The following RALGAPA2 variants were observed in gnomAD, a reference collection of about 807,000 sequenced individuals.
RALGAPA2 encodes ral GTPase-activating protein subunit alpha-2.
In RALGAPA2, 139 loss-of-function variants were observed where a neutral mutation model predicts 230.4. The observed-to-expected ratio is 0.60, with a 90% CI of 0.53 to 0.69. The LOEUF is 0.69. RALGAPA2 is among the 30% of genes least tolerant of loss of function. The pLI is 0.00. For missense variants in RALGAPA2, 2,163 were observed against 2,276.0 expected (o/e 0.95, Z 1.01); for synonymous variants, 847 against 837.8 (o/e 1.01, Z -0.19).
intron 37 of RALGAPA2, among the ~76,000 whole-genome samples, chr20:20,466,513 A>G (rs1022472444): frequency 2.0e-5 from 3 of 152,176 alleles, no homozygotes. Context: ...TGAAACAATT[A>G]CTTCTTGGTT....
chr20:20,660,333 C>T (rs748916949), intron 3 of RALGAPA2, among the ~76,000 whole-genome samples: 36 of 151,950 alleles, frequency 2.4e-4, no homozygotes, highest in Non-Finnish European at 4.3e-4. Context: ...GTATTTATAT[C>T]GTGATGTTTA....
chr20:20,706,716 GTTATCATTCATTCTACTAGATAAATA>G (rs2069623456), intron 1 of RALGAPA2, among the ~76,000 whole-genome samples: 1 of 152,110 alleles, frequency 6.6e-6, no homozygotes, highest in Non-Finnish European at 1.5e-5. Context: ...TTGTTTCTAT[GTTATCATTCATTCTACTAGATAAATA>G]CATTTTCTGA....
chr20:20,409,661 G>A (rs2060019693), intron 38 of RALGAPA2, among the ~76,000 whole-genome samples: 1 of 152,186 alleles, frequency 6.6e-6, no homozygotes, highest in South Asian at 2.1e-4. Context: ...GTAAACAAAT[G>A]ACAAATGTTT....
chr20:20,648,256 AT>A (rs2146567683), intron 4 of RALGAPA2, among the ~76,000 whole-genome samples: 1 of 152,354 alleles, frequency 6.6e-6, no homozygotes, highest in East Asian at 1.9e-4. Context: ...TACATACTTC[AT>A]GATTCTACTT....
chr20:20,524,761 T>TA, intron 29 of RALGAPA2, 69 bp downstream of exon 29: 1 of 1,394,032 alleles, frequency 7.2e-7, no homozygotes, highest in Non-Finnish European at 9.7e-7. Flanking sequence ...AGTTGTAACA[T>TA]TATTTATCAT....
chr20:20,708,734 G>A (rs895010682), intron 1 of RALGAPA2, among the ~76,000 whole-genome samples: 3 of 152,050 alleles, frequency 2.0e-5, no homozygotes, highest in African/African-American at 7.2e-5. Context: ...TATCTCTTTT[G>A]TTCTCTGAAA....
In RALGAPA2 at chr20:20,534,272, G is replaced by A. The variant is rs558454771; in HGVS notation, c.3473+1473C>T. Among the ~76,000 whole-genome samples, 42 of 152,042 alleles carry A rather than the reference G, an allele frequency of 2.8e-4. No individual in the cohort carries two copies. In the South Asian group the frequency reaches 7.5e-3, roughly 27 times the overall value. ...ATCCTGGCTAACACGGTGAAATCCC[G>A]TCTCTACTAAAAATACAAAAAAATT... is the stretch of plus-strand genomic sequence containing the variant. On this transcript the variant is annotated intron_variant, in intron 26 of 39. Coordinates refer to ENST00000202677, the MANE Select transcript of RALGAPA2 (RefSeq NM_020343.4).
intron 1 of RALGAPA2, among the ~76,000 whole-genome samples, chr20:20,690,589 A>G (rs2068867407): frequency 6.6e-6 from 1 of 151,818 alleles, no homozygotes; most frequent in African/African-American, 2.4e-5. Flanking sequence ...ACTATATCCA[A>G]TAAAGCTCAC....
intron 1 of RALGAPA2, among the ~76,000 whole-genome samples, chr20:20,684,648 T>C (rs2068638232): frequency 6.6e-6 from 1 of 152,168 alleles, no homozygotes; most frequent in African/African-American, 2.4e-5. Flanking sequence ...TTTATGTACA[T>C]GTGTTGAGAA....
chr20:20,525,558 C>T (rs1185874696), intron 28 of RALGAPA2, among the ~76,000 whole-genome samples: 1 of 152,160 alleles, frequency 6.6e-6, no homozygotes, highest in African/African-American at 2.4e-5. Flanking sequence ...CTCATGGGGA[C>T]AAATGAAGTT....
chr20:20,431,921 G>A (rs1055562971), intron 37 of RALGAPA2, among the ~76,000 whole-genome samples: 1 of 152,212 alleles, frequency 6.6e-6, no homozygotes. Context: ...TCTATGCAAA[G>A]TTGAAGTAGG....
chr20:20,463,696 G>T (rs2061353389), intron 37 of RALGAPA2, among the ~76,000 whole-genome samples: 1 of 152,088 alleles, frequency 6.6e-6, no homozygotes, highest in Non-Finnish European at 1.5e-5. Flanking sequence ...AGGAATAATG[G>T]CTCCCTTTGA....
chr20:20,456,083 T>C (rs1250034539), intron 37 of RALGAPA2, among the ~76,000 whole-genome samples: 1 of 152,240 alleles, frequency 6.6e-6, no homozygotes, highest in African/African-American at 2.4e-5. Flanking sequence ...TCTCTGGATT[T>C]AGAAGTCATT....
intron 3 of RALGAPA2, among the ~76,000 whole-genome samples, chr20:20,675,180 AATATGTGTATCAAC>A (rs2068275646): frequency 6.6e-6 from 1 of 152,218 alleles, no homozygotes; most frequent in Non-Finnish European, 1.5e-5. Context: ...ACCACTACAG[AATATGTGTATCAAC>A]ATATGTGTAT....
At chr20:20,682,734 C>CATGAACTAGAA in intron 1 of RALGAPA2, among the ~76,000 whole-genome samples, 1 of 152,190 alleles carries the variant, frequency 6.6e-6, no homozygotes. Context: ...GCATCTAGCA[C>CATGAACTAGAA]AATATTTAGT....
At chr20:20,397,537 C>T (rs985567552) in intron 38 of RALGAPA2, among the ~76,000 whole-genome samples, 1 of 152,238 alleles carries the variant, frequency 6.6e-6, no homozygotes, top group African/African-American at 2.4e-5. Flanking sequence ...CTCTCAGCCC[C>T]CACAACTCTC....
intron 37 of RALGAPA2, among the ~76,000 whole-genome samples, chr20:20,464,448 G>A (rs1430703875): frequency 6.6e-6 from 1 of 152,142 alleles, no homozygotes; most frequent in Non-Finnish European, 1.5e-5. Context: ...ATGAAATTAG[G>A]CCTTTTCAGA....
chr20:20,557,160 A>G (rs1451574930), intron 23 of RALGAPA2, among the ~76,000 whole-genome samples: 1 of 152,080 alleles, frequency 6.6e-6, no homozygotes, highest in Admixed American at 6.5e-5. Context: ...AAATACAAAA[A>G]TTAGCCGGGC....
intron 4 of RALGAPA2, among the ~76,000 whole-genome samples, chr20:20,651,694 C>A (rs2067404015): frequency 2.0e-5 from 3 of 152,154 alleles, no homozygotes; most frequent in Admixed American, 6.5e-5. Flanking sequence ...CACACATAGT[C>A]CTAATAAGTT....
Sources: allele counts gnomAD v4.1 joint callset (sites outside exome capture counted in the v4.1 genomes callset), GRCh38; gene constraint gnomAD v4.1.1; transcripts MANE v1.5; gene names NCBI Gene and HGNC (gene_info 2026-07-23, HGNC 2026-07-21).